TMC1: variants seen among roughly 807,000 people sequenced by gnomAD.
TMC1 encodes transmembrane channel-like protein 1.
Under a neutral mutation model 105.8 loss-of-function variants are expected in TMC1, and 84 were observed. The observed-to-expected ratio is 0.79, with a 90% CI of 0.67 to 0.95. The LOEUF (loss-of-function observed/expected upper bound fraction) is 0.95, where lower values mean the gene tolerates loss of function less well. Ranked by LOEUF, TMC1 falls within the 40% of genes least tolerant of loss-of-function variation. TMC1 has a pLI of 0.00. For missense variants in TMC1, 817 were observed against 914.1 expected (o/e 0.89, Z 1.37); for synonymous variants, 315 against 311.5 (o/e 1.01, Z -0.12).
At chr9:72,698,047 A>C (rs1159888626) in intron 7 of TMC1, among the ~76,000 whole-genome samples, 2 of 152,160 alleles carry the variant, frequency 1.3e-5, no homozygotes, top group Non-Finnish European at 2.9e-5. Context: ...GCAAATTAAA[A>C]AAAAAAATTG....
intron 23 of TMC1, among the ~76,000 whole-genome samples, chr9:72,832,230 G>A (rs376789715): frequency 6.6e-6 from 1 of 152,102 alleles, no homozygotes; most frequent in African/African-American, 2.4e-5. Context: ...GGGATTAAAA[G>A]CATGAACCAC....
chr9:72,772,293 T>C, intron 12 of TMC1, 120 bp from the exon 13 acceptor site: 1 of 1,245,538 alleles, frequency 8.0e-7, no homozygotes, highest in Non-Finnish European at 1.2e-6. Flanking sequence ...AGGGCTCATG[T>C]CAGAGCTGTG....
At chr9:72,625,126 T>A (rs1825323023) in intron 3 of TMC1, among the ~76,000 whole-genome samples, 1 of 152,166 alleles carries the variant, frequency 6.6e-6, no homozygotes, top group Non-Finnish European at 1.5e-5. Context: ...ACAGATCTGA[T>A]GAATAGAATG....
chr9:72,685,946 A>G (rs1826373516), intron 5 of TMC1, among the ~76,000 whole-genome samples: 1 of 152,202 alleles, frequency 6.6e-6, no homozygotes, highest in Non-Finnish European at 1.5e-5. Flanking sequence ...AACTACTTTC[A>G]GCATTATAGA....
chr9:72,618,182 C>T (rs1347958924), intron 3 of TMC1, among the ~76,000 whole-genome samples: 1 of 151,726 alleles, frequency 6.6e-6, no homozygotes, highest in Middle Eastern at 3.2e-3. Flanking sequence ...GTGCCCACCA[C>T]CACGCCCGGC....
intron 1 of TMC1, among the ~76,000 whole-genome samples, chr9:72,543,384 C>T (rs1461661920): frequency 6.6e-6 from 1 of 152,192 alleles, no homozygotes; most frequent in Non-Finnish European, 1.5e-5. Flanking sequence ...GCTACAACCA[C>T]TTCCCTTATA....
At chr9:72,768,318 T>G (rs1219316065) in intron 12 of TMC1, among the ~76,000 whole-genome samples, 1 of 149,368 alleles carries the variant, frequency 6.7e-6, no homozygotes, top group Admixed American at 6.7e-5. Context: ...CACTGGGGCC[T>G]GTTGGGGGGT....
chr9:72,681,498 A>C (rs1205200744), intron 5 of TMC1, among the ~76,000 whole-genome samples: 1 of 152,130 alleles, frequency 6.6e-6, no homozygotes, highest in Non-Finnish European at 1.5e-5. Flanking sequence ...AGTTTCTCAC[A>C]AATACTCCAG....
chr9:72,724,881 T>A lies in TMC1; in HGVS notation c.363-15238T>A, dbSNP rs76533059. Among the ~76,000 whole-genome samples, 191 of 152,244 alleles carry A rather than the reference T, an allele frequency of 1.3e-3. 1 individual carries two copies. The highest frequency in any genetic ancestry group is 4.4e-3 in the African/African-American group (183 of 41,538). ...TCCATGATGTTTTTTGGAAAGGTAG[T>A]TAAAAGGATAAATACATTAATTATC... On this transcript the variant is annotated intron_variant, in intron 8 of 23. Coordinates refer to ENST00000297784, the MANE Select transcript of TMC1 (RefSeq NM_138691.3).
intron 17 of TMC1, among the ~76,000 whole-genome samples, chr9:72,795,872 G>C (rs56314695): frequency 0.088 from 13,197 of 150,186 alleles, 669 homozygotes; most frequent in Non-Finnish European, 0.13. Context: ...TAAAAAAAAA[G>C]CAAGACCCAA....
At chr9:72,809,583 AT>A (rs1270661682) in intron 18 of TMC1, among the ~76,000 whole-genome samples, 4 of 152,218 alleles carry the variant, frequency 2.6e-5, no homozygotes, top group Non-Finnish European at 1.5e-5. Flanking sequence ...GATGTAGAAG[AT>A]GTAGACTTAC....
chr9:72,805,014 T>A (rs1828547653), intron 17 of TMC1, among the ~76,000 whole-genome samples: 1 of 152,226 alleles, frequency 6.6e-6, no homozygotes, highest in African/African-American at 2.4e-5. Flanking sequence ...TCACCCTCTA[T>A]CATATACGTT....
intron 13 of TMC1, among the ~76,000 whole-genome samples, chr9:72,783,931 A>T (rs546020247): frequency 6.6e-6 from 1 of 152,184 alleles, no homozygotes. Flanking sequence ...GAAAACTATA[A>T]ATTTTTAGTT....
chr9:72,746,191 G>A (rs1357769490), intron 10 of TMC1, among the ~76,000 whole-genome samples: 1 of 152,060 alleles, frequency 6.6e-6, no homozygotes, highest in Middle Eastern at 3.2e-3. Context: ...TCTTACAAAA[G>A]GTTCAGAAGT....
Position 72,740,211 on chromosome 9 carries a change from T to G in TMC1, c.453+2T>G. ...GCATTTAAGATGATGATGGCCAAGG[T>G]AGGTATTTTTATAGTTGTCTGGTTT... On this transcript the variant is annotated splice_donor_variant, in intron 9 of 23. Coordinates refer to ENST00000297784, the MANE Select transcript of TMC1 (RefSeq NM_138691.3). LOFTEE classifies it high-confidence loss of function. 6.2e-7 allele frequency: 1 copy of G among 1,612,622 alleles called. No individual in the cohort carries two copies. The highest frequency in any genetic ancestry group is 8.5e-7 in the Non-Finnish European group (1 of 1,178,788).
At chr9:72,705,163 C>G (rs990110137) in intron 8 of TMC1, among the ~76,000 whole-genome samples, 8 of 152,120 alleles carry the variant, frequency 5.3e-5, no homozygotes, top group Non-Finnish European at 1.0e-4. Context: ...GCAGCCACCA[C>G]AAGTGAAATA....
chr9:72,649,537 AT>A (rs1825767544), intron 5 of TMC1, among the ~76,000 whole-genome samples: 2 of 152,302 alleles, frequency 1.3e-5, no homozygotes, highest in South Asian at 4.1e-4. Flanking sequence ...TATCTTGGGA[AT>A]CTGAGCAGTA....
At chr9:72,751,113 T>A (rs972853837) in intron 10 of TMC1, among the ~76,000 whole-genome samples, 1 of 152,246 alleles carries the variant, frequency 6.6e-6, no homozygotes, top group African/African-American at 2.4e-5. Flanking sequence ...TCTACATCTA[T>A]AGCTAATGTC....
At chr9:72,704,117 C>T (rs957869338) in intron 8 of TMC1, among the ~76,000 whole-genome samples, 23 of 152,240 alleles carry the variant, frequency 1.5e-4, no homozygotes, top group African/African-American at 5.1e-4. Context: ...TCCCTCTACC[C>T]TTTATTTCTT....
Sources: allele counts gnomAD v4.1 joint callset (sites outside exome capture counted in the v4.1 genomes callset), GRCh38; gene constraint gnomAD v4.1.1; transcripts MANE v1.5; gene names NCBI Gene and HGNC (gene_info 2026-07-23, HGNC 2026-07-21).